VPS8: variants seen among roughly 807,000 people sequenced by gnomAD.
VPS8 encodes vacuolar protein sorting-associated protein 8 homolog.
In VPS8, 129 loss-of-function variants were observed where a neutral mutation model predicts 216.4. The observed-to-expected ratio is 0.60, with a 90% confidence interval of 0.52 to 0.69. VPS8 has a LOEUF of 0.69. Among genes scored for constraint, VPS8 ranks in the 30% least tolerant of loss-of-function variants. The probability of loss-of-function intolerance (pLI) is 0.00; values close to 1 mark genes in which losing one functional copy is unlikely to be tolerated. For missense variants in VPS8, 1,531 were observed against 1,683.5 expected (o/e 0.91, Z 1.59); for synonymous variants, 571 against 565.4 (o/e 1.01, Z -0.14).
intron 13 of VPS8, among the ~76,000 whole-genome samples, chr3:184,855,448 T>C (rs1725062250): frequency 6.6e-6 from 1 of 152,220 alleles, no homozygotes; most frequent in Non-Finnish European, 1.5e-5. Flanking sequence ...TACAAAGAAA[T>C]GCACAGATCT....
At chr3:184,869,383 C>A in intron 19 of VPS8, 99 bp from the exon 20 acceptor site, 1 of 1,220,766 alleles carries the variant, frequency 8.2e-7, no homozygotes. Context: ...ACAATTATAC[C>A]TGTTGTTTCA....
At chr3:184,851,450 T>A (rs1172636995) in intron 10 of VPS8, among the ~76,000 whole-genome samples, 3 of 146,368 alleles carry the variant, frequency 2.0e-5, no homozygotes, top group Non-Finnish European at 4.5e-5. Context: ...GGAATTTCAT[T>A]CTTTATGGAT....
At chr3:184,967,801 C>T (rs1316205099) in intron 39 of VPS8, among the ~76,000 whole-genome samples, 3 of 149,464 alleles carry the variant, frequency 2.0e-5, no homozygotes, top group East Asian at 2.0e-4. Flanking sequence ...TGCACCACTG[C>T]GGTCCAGCCT....
At chr3:184,955,371 C>T (rs909199758) in intron 36 of VPS8, among the ~76,000 whole-genome samples, 4 of 152,138 alleles carry the variant, frequency 2.6e-5, no homozygotes, top group Admixed American at 6.5e-5. Flanking sequence ...TAGAAGAAAA[C>T]GCTGACATAT....
At chr3:184,985,166 T>G (rs1453046164) in intron 42 of VPS8, among the ~76,000 whole-genome samples, 1 of 152,170 alleles carries the variant, frequency 6.6e-6, no homozygotes, top group African/African-American at 2.4e-5. Context: ...ATCATTTCAT[T>G]TGAAGCCCAC....
At position 184,982,721 on chromosome 3, in the gene VPS8, GTATAA is replaced by G. The variant is rs2109756587; in HGVS notation, c.3502+78_3502+82del. On this transcript the variant is annotated intron_variant, in intron 41 of 47. Coordinates refer to ENST00000625842, the MANE Select transcript of VPS8 (RefSeq NM_001009921.3). ...CAATATTTGTCTGCAGAAACTATCA[GTATAA>G]TATCTTTTTCCAATAGCATATTCTT... 3 of 1,231,376 alleles carry G rather than the reference GTATAA, an allele frequency of 2.4e-6. No individual in the cohort carries two copies. In the South Asian group the frequency reaches 4.1e-5, roughly 17 times the overall value. The allele number at this position is 1,231,376 out of a possible 1,614,324, so 76.3% of individuals were successfully genotyped here.
At chr3:185,010,970 G>C (rs1754934611) in intron 45 of VPS8, among the ~76,000 whole-genome samples, 1 of 152,076 alleles carries the variant, frequency 6.6e-6, no homozygotes, top group African/African-American at 2.4e-5. Flanking sequence ...TGGGACTCCA[G>C]CCTGGGCACC....
chr3:184,856,460 G>T (rs908102202), intron 14 of VPS8, among the ~76,000 whole-genome samples: 18 of 152,194 alleles, frequency 1.2e-4, no homozygotes, highest in Middle Eastern at 3.2e-3. Flanking sequence ...AGTCACAGAG[G>T]CAAGAATGTG....
chr3:184,886,552 C>CAA (rs1447795395), intron 22 of VPS8, among the ~76,000 whole-genome samples: 1 of 151,300 alleles, frequency 6.6e-6, no homozygotes, highest in East Asian at 1.9e-4. Context: ...TGTATACACA[C>CAA]ACACACACAT....
chr3:184,973,043 G>A (rs1410753985), intron 40 of VPS8, among the ~76,000 whole-genome samples: 1 of 152,068 alleles, frequency 6.6e-6, no homozygotes, highest in Non-Finnish European at 1.5e-5. Context: ...ATTTTTCAAG[G>A]TCATAAATTA....
chr3:184,879,460 G>A (rs1480652526), intron 21 of VPS8, among the ~76,000 whole-genome samples: 1 of 152,014 alleles, frequency 6.6e-6, no homozygotes, highest in East Asian at 1.9e-4. Flanking sequence ...AGCAGGTATT[G>A]CTCACAGTGT....
At chr3:185,019,115 C>T (rs531963935) in intron 45 of VPS8, among the ~76,000 whole-genome samples, 2 of 152,290 alleles carry the variant, frequency 1.3e-5, no homozygotes, top group Non-Finnish European at 2.9e-5. Flanking sequence ...CAAGGTGGAA[C>T]AAACCAGAGC....
rs1253975201 is a variant in VPS8 at position 184,967,200 on chromosome 3, G to A, written c.3316+487G>A. ...GGCTGGTCTCGAACTCTTGGCTGAA[G>A]TGATCTGCACACCTCAGCCTCCAAA... On this transcript the variant is annotated intron_variant, in intron 39 of 47. Transcript: ENST00000625842. Among the ~76,000 whole-genome samples the A allele has an allele frequency of 2.6e-5, 4 of 152,140 alleles. No homozygotes were observed. The East Asian group carries it at 7.7e-4, about 29-fold the overall frequency.
intron 9 of VPS8, chr3:184,849,474 C>A: frequency 7.1e-6 from 2 of 281,390 alleles, no homozygotes; most frequent in Non-Finnish European, 1.3e-5. Context: ...AATGTACTTC[C>A]TTACAGTCGT....
At chr3:184,982,502 C>A (rs979162498) in intron 40 of VPS8, 64 bp from the exon 41 acceptor site, 1 of 1,208,564 alleles carries the variant, frequency 8.3e-7, no homozygotes, top group Non-Finnish European at 1.2e-6. Flanking sequence ...GTTAGTTATT[C>A]TTTTGTTTTT....
intron 45 of VPS8, among the ~76,000 whole-genome samples, chr3:185,018,583 A>C (rs1756170161): frequency 6.6e-6 from 1 of 152,248 alleles, no homozygotes; most frequent in African/African-American, 2.4e-5. Context: ...AGCAGGAGTT[A>C]GACAAGCTCG....
chr3:184,826,951 T>C (rs1391875659), intron 3 of VPS8, among the ~76,000 whole-genome samples: 1 of 152,220 alleles, frequency 6.6e-6, no homozygotes, highest in Non-Finnish European at 1.5e-5. Flanking sequence ...CACGCCTGTT[T>C]TATATACCCT....
In VPS8 at chr3:184,832,813, TAAA is replaced by T; in HGVS notation, c.350_352del (p.Lys117del). The T allele has an allele frequency of 6.2e-7, 1 of 1,607,352 alleles. No individual in the cohort carries two copies. Among genetic ancestry groups the T allele is most frequent in the Non-Finnish European group, 8.5e-7 (1 of 1,176,804 alleles). On this transcript the variant is annotated inframe_deletion, in exon 4 of 48. Transcript: ENST00000625842. The stretch of plus-strand genomic sequence containing the variant: ...TCAGATAGTGGTGACAGGACCAACT[TAAA>T]AAGGTAGGTATTCATGTCAATCATA...
At chr3:184,896,146 A>G (rs1003420788) in intron 23 of VPS8, among the ~76,000 whole-genome samples, 1 of 152,172 alleles carries the variant, frequency 6.6e-6, no homozygotes, top group African/African-American at 2.4e-5. Flanking sequence ...GTGAGTTTGC[A>G]AAGTAAAGCC....
Sources: allele counts gnomAD v4.1 joint callset (sites outside exome capture counted in the v4.1 genomes callset), GRCh38; gene constraint gnomAD v4.1.1; transcripts MANE v1.5; gene names NCBI Gene and HGNC (gene_info 2026-07-23, HGNC 2026-07-21).